PIP5K1B: variants seen among roughly 807,000 people sequenced by gnomAD.
PIP5K1B encodes phosphatidylinositol 4-phosphate 5-kinase type-1 beta.
A neutral mutation model predicts 67.0 loss-of-function variants in PIP5K1B; 42 were observed. The ratio of observed to expected loss-of-function variants is 0.63; its 90% confidence interval spans 0.49 to 0.81. PIP5K1B has a LOEUF of 0.81. PIP5K1B is among the 30% of genes least tolerant of loss of function. The pLI is 0.00. For synonymous variants in PIP5K1B, 214 were observed against 231.4 expected (o/e 0.92, Z 0.68); for missense variants, 459 against 646.3 (o/e 0.71, Z 3.14).
At chr9:68,880,312 G>A (rs1197054096) in intron 6 of PIP5K1B, among the ~76,000 whole-genome samples, 1 of 152,140 alleles carries the variant, frequency 6.6e-6, no homozygotes, top group African/African-American at 2.4e-5. Flanking sequence ...CAGCACTTAG[G>A]GAGGCCAAGG....
intron 2 of PIP5K1B, among the ~76,000 whole-genome samples, chr9:68,774,138 A>G (rs1830796685): frequency 6.6e-6 from 1 of 152,140 alleles, no homozygotes; most frequent in Admixed American, 6.5e-5. Context: ...ATTTCCTCCT[A>G]TTGCTTTCTT....
chr9:69,003,059 G>A (rs1470171158), intron 15 of PIP5K1B, among the ~76,000 whole-genome samples: 1 of 152,096 alleles, frequency 6.6e-6, no homozygotes, highest in Non-Finnish European at 1.5e-5. Flanking sequence ...GGGGACCCCG[G>A]AGCCAAGGAG....
intron 2 of PIP5K1B, among the ~76,000 whole-genome samples, chr9:68,764,521 A>G (rs1305108433): frequency 1.3e-5 from 2 of 151,760 alleles, no homozygotes; most frequent in Non-Finnish European, 2.9e-5. Context: ...AGCTTAACTC[A>G]TCAAGTTACT....
rs529163945 is a variant in PIP5K1B at position 68,891,454 on chromosome 9, T to A, written c.471+2321T>A. On this transcript the variant is annotated intron_variant, in intron 7 of 15. Coordinates refer to ENST00000265382, the MANE Select transcript of PIP5K1B (RefSeq NM_003558.4). ...AATTGGCAGGGGAGTTTTTTTTTTT[T>A]TAAAAAATGATAAATAAATCAATGA... Among the ~76,000 whole-genome samples, 934 of 151,812 alleles carry A rather than the reference T, an allele frequency of 6.2e-3. 10 individuals carry two copies. Among genetic ancestry groups the A allele is most frequent in the African/African-American group, 0.022 (891 of 41,398 alleles).
intron 9 of PIP5K1B, 69 bp from the exon 10 acceptor site, chr9:68,919,410 G>C: frequency 1.4e-6 from 1 of 729,578 alleles, no homozygotes; most frequent in Non-Finnish European, 2.2e-6. Context: ...CTATTTATTA[G>C]AAATGATTTT....
At chr9:68,871,459 T>C (rs745463494) in intron 5 of PIP5K1B, among the ~76,000 whole-genome samples, 9 of 152,182 alleles carry the variant, frequency 5.9e-5, no homozygotes, top group East Asian at 1.9e-4. Flanking sequence ...AGCTTCAACA[T>C]TGTGTAATTC....
chr9:68,907,328 G>A (rs1825664958), intron 8 of PIP5K1B, among the ~76,000 whole-genome samples: 1 of 152,104 alleles, frequency 6.6e-6, no homozygotes, highest in Non-Finnish European at 1.5e-5. Flanking sequence ...TTCCAGCTCT[G>A]CCTTAACTGT....
chr9:68,963,272 G>A (rs1216423486), intron 14 of PIP5K1B: 1 of 454,166 alleles, frequency 2.2e-6, no homozygotes, highest in African/African-American at 2.0e-5. Context: ...CGAGGCCGAG[G>A]CAGACTGATC....
chr9:68,951,501 G>A (rs1202098657), intron 14 of PIP5K1B, among the ~76,000 whole-genome samples: 2 of 152,174 alleles, frequency 1.3e-5, no homozygotes, highest in Non-Finnish European at 2.9e-5. Flanking sequence ...TGGTCACTGA[G>A]TTGTGACAGG....
chr9:68,997,648 A>G (rs1203253361), intron 15 of PIP5K1B, among the ~76,000 whole-genome samples: 1 of 152,188 alleles, frequency 6.6e-6, no homozygotes, highest in Non-Finnish European at 1.5e-5. Context: ...CTTGGCCCCT[A>G]AGTTATTGAC....
intron 15 of PIP5K1B, among the ~76,000 whole-genome samples, chr9:69,002,447 G>A (rs1374864171): frequency 6.6e-6 from 1 of 152,162 alleles, no homozygotes; most frequent in Admixed American, 6.5e-5. Flanking sequence ...TGCAGCACTA[G>A]CACGTGTATT....
At chr9:68,794,750 A>G (rs1221118840) in intron 2 of PIP5K1B, among the ~76,000 whole-genome samples, 2 of 151,974 alleles carry the variant, frequency 1.3e-5, no homozygotes, top group Non-Finnish European at 1.5e-5. Flanking sequence ...TCAGGAGCAG[A>G]TTTTTCCCTA....
At chr9:68,708,476 G>A (rs1007498096) in intron 1 of PIP5K1B, among the ~76,000 whole-genome samples, 1 of 152,110 alleles carries the variant, frequency 6.6e-6, no homozygotes, top group Admixed American at 6.5e-5. Context: ...ATCATATAGG[G>A]AAGAGCTTTT....
At chr9:68,886,459 A>T (rs372160409) in intron 6 of PIP5K1B, among the ~76,000 whole-genome samples, 1 of 152,334 alleles carries the variant, frequency 6.6e-6, no homozygotes, top group East Asian at 1.9e-4. Context: ...CCAACCATGT[A>T]TGTAGGCACC....
chr9:68,812,727 T>C (rs1833234955), intron 2 of PIP5K1B, among the ~76,000 whole-genome samples: 2 of 152,216 alleles, frequency 1.3e-5, no homozygotes, highest in African/African-American at 4.8e-5. Context: ...GGAGAAATAA[T>C]ATTCATGGAG....
intron 2 of PIP5K1B, chr9:68,788,849 TG>T: frequency 4.2e-6 from 1 of 239,200 alleles, no homozygotes. Context: ...TGACATACAC[TG>T]GGATTGCAAC....
chr9:68,960,659 C>T (rs1283886270), intron 14 of PIP5K1B, among the ~76,000 whole-genome samples: 1 of 152,112 alleles, frequency 6.6e-6, no homozygotes, highest in Non-Finnish European at 1.5e-5. Flanking sequence ...ATCAATTCTA[C>T]TGTTACGTTT....
At chr9:68,954,043 G>T (rs1828246446) in intron 14 of PIP5K1B, among the ~76,000 whole-genome samples, 1 of 151,770 alleles carries the variant, frequency 6.6e-6, no homozygotes, top group Non-Finnish European at 1.5e-5. Flanking sequence ...ATTGCTTCTG[G>T]TGTCCCTGGG....
intron 15 of PIP5K1B, among the ~76,000 whole-genome samples, chr9:69,000,257 C>T (rs894201556): frequency 1.3e-5 from 2 of 152,088 alleles, no homozygotes; most frequent in African/African-American, 2.4e-5. Context: ...TCTTCACCTT[C>T]GGTCTTCCAC....
Sources: allele counts gnomAD v4.1 joint callset (sites outside exome capture counted in the v4.1 genomes callset), GRCh38; gene constraint gnomAD v4.1.1; transcripts MANE v1.5; gene names NCBI Gene and HGNC (gene_info 2026-07-23, HGNC 2026-07-21).